The following SLC24A2 variants were observed in gnomAD, a reference collection of about 807,000 sequenced individuals.
SLC24A2 encodes sodium/potassium/calcium exchanger 2.
In SLC24A2, 36 loss-of-function variants were observed where a neutral mutation model predicts 62.0. The observed-to-expected ratio is 0.58, with a 90% CI of 0.44 to 0.77. The LOEUF (loss-of-function observed/expected upper bound fraction) is 0.77, where lower values mean the gene tolerates loss of function less well. Among genes scored for constraint, SLC24A2 ranks in the 30% least tolerant of loss-of-function variants. SLC24A2 has a pLI of 0.00. For missense variants in SLC24A2, 846 were observed against 817.9 expected (o/e 1.03, Z -0.42); for synonymous variants, 358 against 294.0 (o/e 1.22, Z -2.23).
At chr9:19,665,138 G>A (rs1205126945) in intron 2 of SLC24A2, among the ~76,000 whole-genome samples, 1 of 152,220 alleles carries the variant, frequency 6.6e-6, no homozygotes, top group Non-Finnish European at 1.5e-5. Flanking sequence ...GAAAGCCGGT[G>A]AGAAGCAGTA....
chr9:19,727,086 A>G (rs1237998702), intron 2 of SLC24A2, among the ~76,000 whole-genome samples: 2 of 152,180 alleles, frequency 1.3e-5, no homozygotes, highest in South Asian at 2.1e-4. Context: ...CAAAGATTGT[A>G]TCACCTTATT....
At chr9:19,741,288 G>C (rs770927801) in intron 2 of SLC24A2, among the ~76,000 whole-genome samples, 1 of 152,176 alleles carries the variant, frequency 6.6e-6, no homozygotes, top group Non-Finnish European at 1.5e-5. Context: ...TGCCAAAAAG[G>C]GGAGCTAGAG....
At chr9:19,947,462 CAGGA>C in the SLC24A2 span, among the ~76,000 whole-genome samples, 3 of 145,682 alleles carry the variant, frequency 2.1e-5, no homozygotes, top group Non-Finnish European at 3.1e-5. Context: ...GAAAGAAAGG[CAGGA>C]AGGCAGGAAG....
At chr9:19,835,789 C>T in the SLC24A2 span, among the ~76,000 whole-genome samples, 1 of 152,204 alleles carries the variant, frequency 6.6e-6, no homozygotes, top group Non-Finnish European at 1.5e-5. Flanking sequence ...TTCAGCACCA[C>T]ACTACACCTA....
intron 2 of SLC24A2, among the ~76,000 whole-genome samples, chr9:19,723,424 T>C (rs867442488): frequency 1.3e-5 from 2 of 152,166 alleles, no homozygotes; most frequent in East Asian, 1.9e-4. Context: ...AAATATTTAA[T>C]ACAGGTGTTT....
At chr9:19,993,483 C>T in the SLC24A2 span, among the ~76,000 whole-genome samples, 1 of 152,280 alleles carries the variant, frequency 6.6e-6, no homozygotes, top group African/African-American at 2.4e-5. Context: ...TATGGATGCT[C>T]ACTTTTCCTC....
chr9:20,049,017 G>T, the SLC24A2 span, among the ~76,000 whole-genome samples: 1 of 151,816 alleles, frequency 6.6e-6, no homozygotes, highest in African/African-American at 2.4e-5. Flanking sequence ...GTGCCATGTT[G>T]GTGTGCTGCA....
chr9:19,560,715 T>TATC (rs1835346224), intron 7 of SLC24A2, among the ~76,000 whole-genome samples: 1 of 152,230 alleles, frequency 6.6e-6, no homozygotes, highest in African/African-American at 2.4e-5. Flanking sequence ...TAAGGATGTT[T>TATC]ATCTTTTTCA....
chr9:20,232,404 A>G, the SLC24A2 span, among the ~76,000 whole-genome samples: 2 of 152,124 alleles, frequency 1.3e-5, no homozygotes, highest in African/African-American at 4.8e-5. Context: ...TTATTGCCTC[A>G]ATTTCAGATC....
the SLC24A2 span, among the ~76,000 whole-genome samples, chr9:20,085,960 T>G: frequency 6.6e-6 from 1 of 152,040 alleles, no homozygotes; most frequent in Non-Finnish European, 1.5e-5. Context: ...GAGTCCAGAG[T>G]TGATTTAACT....
the SLC24A2 span, among the ~76,000 whole-genome samples, chr9:19,798,922 C>T: frequency 5.3e-5 from 8 of 152,226 alleles, no homozygotes; most frequent in African/African-American, 1.9e-4. Flanking sequence ...TCATCTTCTT[C>T]GGGAATAATT....
the SLC24A2 span, among the ~76,000 whole-genome samples, chr9:19,986,461 C>G: frequency 2.0e-5 from 3 of 152,076 alleles, no homozygotes; most frequent in African/African-American, 4.8e-5. Context: ...GAACTGCAAG[C>G]AAGCACTTAG....
intron 2 of SLC24A2, among the ~76,000 whole-genome samples, chr9:19,726,851 C>T (rs1198776019): frequency 6.6e-6 from 1 of 152,174 alleles, no homozygotes; most frequent in African/African-American, 2.4e-5. Flanking sequence ...TTTACACCAA[C>T]GGAGGATTTT....
chr9:19,517,545 C>A (rs1376577272), intron 10 of SLC24A2, among the ~76,000 whole-genome samples: 1 of 152,116 alleles, frequency 6.6e-6, no homozygotes, highest in Non-Finnish European at 1.5e-5. Context: ...AAATTCCAGG[C>A]CTGGTACATG....
At chr9:20,104,807 C>G in the SLC24A2 span, among the ~76,000 whole-genome samples, 1 of 152,142 alleles carries the variant, frequency 6.6e-6, no homozygotes, top group Non-Finnish European at 1.5e-5. Context: ...AGCAAAATAA[C>G]CAGCTAACAT....
At chr9:20,241,052 C>A in the SLC24A2 span, among the ~76,000 whole-genome samples, 1 of 152,204 alleles carries the variant, frequency 6.6e-6, no homozygotes, top group Admixed American at 6.5e-5. Flanking sequence ...ATTTCTCATT[C>A]TGTTTTAAAT....
chr9:20,232,174 A>C, the SLC24A2 span, among the ~76,000 whole-genome samples: 1 of 152,194 alleles, frequency 6.6e-6, no homozygotes, highest in Non-Finnish European at 1.5e-5. Flanking sequence ...AATGTTCATC[A>C]AGGATATTGG....
the SLC24A2 span, among the ~76,000 whole-genome samples, chr9:20,070,859 A>G: frequency 3.3e-5 from 5 of 152,264 alleles, no homozygotes; most frequent in South Asian, 1.0e-3. Context: ...ATGGCCAGTG[A>G]TATGGTTTGG....
chr9:19,965,140 A>C, the SLC24A2 span, among the ~76,000 whole-genome samples: 1 of 152,080 alleles, frequency 6.6e-6, no homozygotes, highest in South Asian at 2.1e-4. Context: ...GGAACACAGG[A>C]GTGGAAGAGA....
Sources: gnomAD v4.1 joint callset for allele counts (sites outside exome capture counted in the v4.1 genomes callset) on GRCh38, gnomAD v4.1.1 for gene constraint, MANE v1.5 for transcripts, NCBI Gene and HGNC (gene_info 2026-07-23, HGNC 2026-07-21) for gene names.